Variants in KCNQ1 observed in about 807,000 individuals in gnomAD.
KCNQ1 encodes potassium voltage-gated channel subfamily KQT member 1.
In KCNQ1, 49 loss-of-function variants were observed where a neutral mutation model predicts 72.4. That is an observed-to-expected ratio of 0.68 (90% CI 0.54 to 0.86). The LOEUF (loss-of-function observed/expected upper bound fraction) is 0.86, where lower values mean the gene tolerates loss of function less well. Ranked by LOEUF, KCNQ1 falls within the 40% of genes least tolerant of loss-of-function variation. The probability of loss-of-function intolerance (pLI) is 0.00; values close to 1 mark genes in which losing one functional copy is unlikely to be tolerated. For missense variants in KCNQ1, 790 were observed against 945.1 expected (o/e 0.84, Z 2.15); for synonymous variants, 450 against 412.6 (o/e 1.09, Z -1.10).
In KCNQ1 at chr11:2,678,494, G is replaced by A. The variant is rs1850331743; in HGVS notation, c.1514+16413G>A. 1 of 398,496 alleles carries A rather than the reference G, an allele frequency of 2.5e-6. No individual in the cohort carries two copies. Among genetic ancestry groups the A allele is most frequent in the Admixed American group, 4.4e-5 (1 of 22,726 alleles). 24.7% of individuals were successfully genotyped at this position (398,496 alleles called of 1,614,324 possible). ...TATTTCAAACTCTCATTTAATTTGT[G>A]TCCATTTCTAGACTCTATTCTGGAC... On this transcript the variant is annotated intron_variant, in intron 11 of 15. Coordinates refer to ENST00000155840, the MANE Select transcript of KCNQ1 (RefSeq NM_000218.3). This position sits in a 1 kb window ranked among gnomAD's most constrained non-coding sequence, Gnocchi z 4.9.
intron 15 of KCNQ1, among the ~76,000 whole-genome samples, chr11:2,798,616 A>T (rs889459178): frequency 6.6e-6 from 1 of 151,966 alleles, no homozygotes; most frequent in Admixed American, 6.6e-5. Context: ...AATTTTCTTG[A>T]TTTCGTGTAA....
chr11:2,553,153 GTTTTTTTTGTTTTTT>G lies in KCNQ1; in HGVS notation c.478-17458_478-17444del, dbSNP rs531951962. Among the ~76,000 whole-genome samples, 868 of 122,654 alleles carry G rather than the reference GTTTTTTTTGTTTTTT, an allele frequency of 7.1e-3. 2 individuals carry two copies. Among genetic ancestry groups the G allele is most frequent in the Non-Finnish European group, 9.2e-3 (573 of 62,550 alleles). 80.5% of individuals were successfully genotyped at this position (122,654 alleles called of 152,430 possible). ...GGTTTCTTGTTCATCTGTTTTTGGG[GTTTTTTTTGTTTTTT>G]TTTTTTTTGTTTTTTTGTAGATTCT... is the stretch of plus-strand genomic sequence containing the variant. On this transcript the variant is annotated intron_variant, in intron 2 of 15. Transcript: ENST00000155840.
chr11:2,587,881 G>A (rs955657738), intron 9 of KCNQ1, among the ~76,000 whole-genome samples, 189 bp downstream of exon 9: 13 of 152,178 alleles, frequency 8.5e-5, no homozygotes, highest in East Asian at 3.9e-4. Context: ...AATGTCCCCC[G>A]ACTTGGGGGT....
intron 2 of KCNQ1, among the ~76,000 whole-genome samples, chr11:2,528,252 G>T (rs1847545679): frequency 6.6e-6 from 1 of 152,216 alleles, no homozygotes; most frequent in African/African-American, 2.4e-5. Context: ...GGAGCTGGTG[G>T]TCTGAAAGGG....
intron 10 of KCNQ1, chr11:2,641,002 C>A (rs1849567951): frequency 7.5e-6 from 3 of 398,376 alleles, no homozygotes; most frequent in Non-Finnish European, 1.3e-5. Context: ...TGATTTCATT[C>A]TTCTTTGGTC....
intron 10 of KCNQ1, chr11:2,650,448 G>A (rs1330413902): frequency 7.5e-6 from 3 of 398,470 alleles, no homozygotes; most frequent in Non-Finnish European, 1.3e-5. Context: ...TATCATTTGG[G>A]TAGGGTGCTT....
intron 10 of KCNQ1, among the ~76,000 whole-genome samples, chr11:2,597,157 C>A (rs187296703): frequency 6.6e-6 from 1 of 152,218 alleles, no homozygotes; most frequent in East Asian, 1.9e-4. Context: ...TGAAACTTAT[C>A]TGATTATTAA....
intron 15 of KCNQ1, among the ~76,000 whole-genome samples, chr11:2,837,607 C>G (rs1179325723): frequency 6.6e-6 from 1 of 152,212 alleles, no homozygotes; most frequent in Non-Finnish European, 1.5e-5. Context: ...AGGAACCGGG[C>G]AGACAGAGGT....
chr11:2,702,623 C>G (rs1850834939), intron 11 of KCNQ1, among the ~76,000 whole-genome samples: 1 of 152,164 alleles, frequency 6.6e-6, no homozygotes, highest in Admixed American at 6.5e-5. Flanking sequence ...TTTTCATGTT[C>G]TGGGCTTGCC....
chr11:2,675,349 G>C (rs1019777305), intron 11 of KCNQ1: 3 of 398,502 alleles, frequency 7.5e-6, no homozygotes, highest in Admixed American at 4.4e-5. Flanking sequence ...TTTTTAATGA[G>C]TTTAAAACAC....
At chr11:2,736,120 G>A (rs1203818288) in intron 11 of KCNQ1, among the ~76,000 whole-genome samples, 1 of 152,164 alleles carries the variant, frequency 6.6e-6, no homozygotes, top group Non-Finnish European at 1.5e-5. Flanking sequence ...GCCAGAGGGG[G>A]CTCATTGGGC....
chr11:2,658,245 C>T lies in KCNQ1; in HGVS notation c.1394-3716C>T. On this transcript the variant is annotated intron_variant, in intron 10 of 15. Transcript: ENST00000155840. The surrounding 1 kb of genome is among the most constrained non-coding windows in gnomAD (Gnocchi z 4.9). ...GATCGTTTTCCTGCAGCAAATATTA[C>T]CGTGATGTACTTCTATTTTCCTCAT... 2 of 398,590 alleles carry T rather than the reference C, an allele frequency of 5.0e-6. No individual in the cohort carries two copies. Among genetic ancestry groups the T allele is most frequent in the Non-Finnish European group, 4.4e-6 (1 of 226,050 alleles). The allele number at this position is 398,590 out of a possible 1,614,324, so 24.7% of individuals were successfully genotyped here.
intron 10 of KCNQ1, chr11:2,656,687 T>G: frequency 6.1e-6 from 2 of 327,868 alleles, no homozygotes; most frequent in Admixed American, 5.2e-5. Flanking sequence ...GTCTTTTCAC[T>G]CTTTAAGGTG....
At chr11:2,634,217 C>T (rs1362012013) in intron 10 of KCNQ1, 12 of 393,486 alleles carry the variant, frequency 3.0e-5, no homozygotes, top group Non-Finnish European at 4.5e-5. Flanking sequence ...ATGTGCACAA[C>T]GTGCAGGTTT....
At position 2,723,139 on chromosome 11, in the gene KCNQ1, T is replaced by C. The variant is rs1320305931; in HGVS notation, c.1515-45705T>C. Among the ~76,000 whole-genome samples, 2 of 152,234 alleles carry C rather than the reference T, an allele frequency of 1.3e-5. No homozygotes were observed. Among genetic ancestry groups the C allele is most frequent in the African/African-American group, 4.8e-5 (2 of 41,468 alleles). Reference sequence around the variant, plus strand: ...CTCCGCCTTCCTCTGTGGCTCTGCCTTCCTCTTGGCTCCGCCTTCCTCCGT... The same window carrying C: ...CTCCGCCTTCCTCTGTGGCTCTGCCCTCCTCTTGGCTCCGCCTTCCTCCGT... On this transcript the variant is annotated intron_variant, in intron 11 of 15. Transcript: ENST00000155840. The surrounding 1 kb of genome is among the most constrained non-coding windows in gnomAD (Gnocchi z 4.2).
chr11:2,742,464 C>T (rs1021652372), intron 11 of KCNQ1, among the ~76,000 whole-genome samples: 3 of 152,256 alleles, frequency 2.0e-5, no homozygotes, highest in Admixed American at 1.3e-4. Context: ...GGGGTGTCTG[C>T]CTGCCCAGCT....
intron 10 of KCNQ1, among the ~76,000 whole-genome samples, chr11:2,606,664 C>T (rs758650345): frequency 3.9e-5 from 6 of 152,052 alleles, no homozygotes; most frequent in Admixed American, 6.5e-5. Context: ...TACCCAGCCT[C>T]GGGTGTTCCT....
rs1848686419 is a variant in KCNQ1, at chr11:2,592,717, G to A, written c.1393+3863G>A. On this transcript the variant is annotated intron_variant, in intron 10 of 15. Transcript: ENST00000155840. This position sits in a 1 kb window ranked among gnomAD's most constrained non-coding sequence, Gnocchi z 5.2. ...GGTGGCCATTGTCTGTGCCCAGCCTGGGGAGCCTGACACTCACAGCCCGGC... is the reference window on the plus strand; with the variant it reads ...GGTGGCCATTGTCTGTGCCCAGCCTAGGGAGCCTGACACTCACAGCCCGGC... Among the ~76,000 whole-genome samples, 1 of 152,184 alleles carries A rather than the reference G, an allele frequency of 6.6e-6. No homozygotes were observed. Among genetic ancestry groups the A allele is most frequent in the Non-Finnish European group, 1.5e-5 (1 of 68,022 alleles).
At position 2,827,517 on chromosome 11, in the gene KCNQ1, A is replaced by G. The variant is rs1421019167; in HGVS notation, c.1795-20250A>G. ...GCCCACGTCATCCCCCTTTCTGTCCACCCGCCGGAATGTGACGCACGCCTG... is the reference window on the plus strand; with the variant it reads ...GCCCACGTCATCCCCCTTTCTGTCCGCCCGCCGGAATGTGACGCACGCCTG... On this transcript the variant is annotated intron_variant, in intron 15 of 15. Coordinates refer to ENST00000155840, the MANE Select transcript of KCNQ1 (RefSeq NM_000218.3). This position sits in a 1 kb window ranked among gnomAD's most constrained non-coding sequence, Gnocchi z 6.7. Among the ~76,000 whole-genome samples the G allele has an allele frequency of 6.6e-6, 1 of 150,854 alleles. No individual in the cohort carries two copies. The highest frequency in any genetic ancestry group is 1.5e-5 in the Non-Finnish European group (1 of 67,804).
Sources: gnomAD v4.1 joint callset for allele counts (sites outside exome capture counted in the v4.1 genomes callset) on GRCh38, gnomAD v4.1.1 for gene constraint, Gnocchi (gnomAD v3.1) non-coding constraint, MANE v1.5 for transcripts, NCBI Gene and HGNC (gene_info 2026-07-23, HGNC 2026-07-21) for gene names.